The following CD2AP variants were observed in gnomAD, a reference collection of about 807,000 sequenced individuals.
The protein encoded by CD2AP is CD2-associated protein.
In CD2AP, 46 loss-of-function variants were observed where a neutral mutation model predicts 85.1. The observed-to-expected ratio is 0.54, with a 90% CI of 0.43 to 0.69. The LOEUF (loss-of-function observed/expected upper bound fraction) is 0.69, where lower values mean the gene tolerates loss of function less well. Ranked by LOEUF, CD2AP falls within the 30% of genes least tolerant of loss-of-function variation. The probability of loss-of-function intolerance (pLI) is 0.00; values close to 1 mark genes in which losing one functional copy is unlikely to be tolerated. For missense variants in CD2AP, 769 were observed against 729.5 expected, an observed-to-expected ratio of 1.05 and a Z score of -0.62; for synonymous variants, 255 against 252.9, an observed-to-expected ratio of 1.01 and a Z score of -0.08.
chr6:47,595,090 A>G (rs1450015726), intron 11 of CD2AP, among the ~76,000 whole-genome samples: 2 of 152,022 alleles, frequency 1.3e-5, no homozygotes, highest in African/African-American at 4.8e-5. Flanking sequence ...TGCATGTGTC[A>G]ATTTTAATAC....
intron 3 of CD2AP, among the ~76,000 whole-genome samples, chr6:47,539,647 C>CT (rs1405870218): frequency 6.6e-6 from 1 of 151,874 alleles, no homozygotes; most frequent in Non-Finnish European, 1.5e-5. Context: ...TTTTTATTTC[C>CT]TTTTTTTCTC....
rs370852801 is a variant in CD2AP at position 47,615,380 on chromosome 6, A to G, written c.1878+2844A>G. ...AGAAATACCTGAGACTGGATAATTT[A>G]TAAAGAAAAATTTAATTGGCTCATG... On this transcript the variant is annotated intron_variant, in intron 17 of 17. Transcript: ENST00000359314. Among the ~76,000 whole-genome samples the G allele has an allele frequency of 4.1e-4, 62 of 152,288 alleles. No individual in the cohort carries two copies. The South Asian group carries it at 0.011, about 28-fold the overall frequency.
At chr6:47,497,319 T>C (rs1765884126) in intron 1 of CD2AP, among the ~76,000 whole-genome samples, 1 of 133,786 alleles carries the variant, frequency 7.5e-6, no homozygotes, top group African/African-American at 2.7e-5. Flanking sequence ...TCCTTTCCTT[T>C]CCTTTCCTTT....
At chr6:47,579,839 G>C (rs1422807929) in intron 9 of CD2AP, 1 of 215,040 alleles carries the variant, frequency 4.7e-6, no homozygotes, top group African/African-American at 2.4e-5. Context: ...TTAAGGTCTT[G>C]TGGATATTGC....
chr6:47,617,136 T>C (rs971631760), intron 17 of CD2AP, among the ~76,000 whole-genome samples: 3 of 152,084 alleles, frequency 2.0e-5, no homozygotes, highest in African/African-American at 7.2e-5. Flanking sequence ...GGTTAATTTT[T>C]CAGTTTTTTG....
intron 11 of CD2AP, among the ~76,000 whole-genome samples, chr6:47,584,419 ATT>A (rs35951401): frequency 1.8e-3 from 255 of 138,252 alleles, no homozygotes; most frequent in Middle Eastern, 3.7e-3. Flanking sequence ...GTCTAGATTC[ATT>A]TTTTTTTTTT....
intron 1 of CD2AP, among the ~76,000 whole-genome samples, chr6:47,481,711 T>G (rs1002858539): frequency 6.6e-6 from 1 of 152,098 alleles, no homozygotes; most frequent in Non-Finnish European, 1.5e-5. Context: ...TATAATAGAG[T>G]GATTTCTTTA....
intron 11 of CD2AP, among the ~76,000 whole-genome samples, chr6:47,588,811 T>A (rs1190792434): frequency 1.3e-5 from 2 of 152,104 alleles, no homozygotes; most frequent in East Asian, 3.9e-4. Context: ...TTCTTGTCCA[T>A]TTGACAGAAA....
intron 17 of CD2AP, among the ~76,000 whole-genome samples, chr6:47,614,232 G>A (rs921435767): frequency 3.3e-5 from 5 of 152,158 alleles, no homozygotes; most frequent in African/African-American, 1.2e-4. Flanking sequence ...GCTGTTTGGG[G>A]CAAAAGGCCA....
intron 5 of CD2AP, among the ~76,000 whole-genome samples, chr6:47,567,293 G>C (rs375697496): frequency 2.7e-4 from 41 of 151,886 alleles, no homozygotes; most frequent in African/African-American, 9.9e-4. Flanking sequence ...ATGAAGGCAG[G>C]GTATTCCAAA....
chr6:47,585,140 TAAAAA>T (rs993329674), intron 11 of CD2AP, among the ~76,000 whole-genome samples: 1 of 133,628 alleles, frequency 7.5e-6, no homozygotes, highest in East Asian at 2.2e-4. Flanking sequence ...AAAAATAAAA[TAAAAA>T]AAAAAAAACC....
At chr6:47,533,528 G>T in intron 2 of CD2AP, 74 bp from the exon 3 acceptor site, 1 of 1,366,866 alleles carries the variant, frequency 7.3e-7, no homozygotes, top group Non-Finnish European at 1.0e-6. Flanking sequence ...GCTATTTTTT[G>T]GTATTTTACA....
chr6:47,590,626 C>T (rs548458439), intron 11 of CD2AP, among the ~76,000 whole-genome samples: 1 of 152,124 alleles, frequency 6.6e-6, no homozygotes, highest in South Asian at 2.1e-4. Context: ...CAGTGCTCAC[C>T]ATCGGGTTTG....
chr6:47,592,033 G>C (rs1437667532), intron 11 of CD2AP, among the ~76,000 whole-genome samples: 1 of 151,802 alleles, frequency 6.6e-6, no homozygotes, highest in Admixed American at 6.6e-5. Context: ...TGGGGGTATT[G>C]ATTTGTTGCC....
chr6:47,623,361 A>G (rs1298332973), intron 17 of CD2AP, among the ~76,000 whole-genome samples: 2 of 152,200 alleles, frequency 1.3e-5, no homozygotes, highest in African/African-American at 2.4e-5. Context: ...ATGCAGGGAA[A>G]GGTTAAAGAT....
intron 2 of CD2AP, among the ~76,000 whole-genome samples, chr6:47,525,148 A>C (rs1316123590): frequency 6.6e-6 from 1 of 152,094 alleles, no homozygotes; most frequent in Non-Finnish European, 1.5e-5. Flanking sequence ...TCATTTCTAG[A>C]CTATTTTTTA....
At chr6:47,491,056 A>G (rs530645879) in intron 1 of CD2AP, among the ~76,000 whole-genome samples, 6 of 152,244 alleles carry the variant, frequency 3.9e-5, no homozygotes, top group African/African-American at 1.4e-4. Flanking sequence ...TGGATCTGGT[A>G]CCTAACTTTA....
intron 1 of CD2AP, among the ~76,000 whole-genome samples, chr6:47,484,792 C>G (rs1458692792): frequency 6.6e-6 from 1 of 152,132 alleles, no homozygotes; most frequent in Non-Finnish European, 1.5e-5. Context: ...AGCTTAGGTT[C>G]TTTTTGATGA....
chr6:47,549,908 T>C (rs1767467455), intron 4 of CD2AP, among the ~76,000 whole-genome samples: 1 of 151,990 alleles, frequency 6.6e-6, no homozygotes, highest in South Asian at 2.1e-4. Context: ...TAAACCCAAA[T>C]ACTTACAGCT....
Sources: allele counts gnomAD v4.1 joint callset (sites outside exome capture counted in the v4.1 genomes callset), GRCh38; gene constraint gnomAD v4.1.1; transcripts MANE v1.5; gene names NCBI Gene and HGNC (gene_info 2026-07-23, HGNC 2026-07-21).